Variants in GRIN3A observed in about 807,000 individuals in gnomAD.
GRIN3A encodes the protein glutamate receptor ionotropic, NMDA 3A.
GRIN3A carries 47 observed loss-of-function variants against 92.4 expected under a neutral mutation model. That is an observed-to-expected ratio of 0.51 (90% CI 0.40 to 0.65). GRIN3A has a LOEUF of 0.65. Among genes scored for constraint, GRIN3A ranks in the 30% least tolerant of loss-of-function variants. GRIN3A has a pLI of 0.00. For synonymous variants in GRIN3A, 527 were observed against 540.6 expected (o/e 0.97, Z 0.35); for missense variants, 1,324 against 1,393.1 (o/e 0.95, Z 0.79).
At chr9:101,623,095 C>T (rs940797663) in intron 5 of GRIN3A, among the ~76,000 whole-genome samples, 1 of 151,908 alleles carries the variant, frequency 6.6e-6, no homozygotes, top group South Asian at 2.1e-4. Context: ...ATATGGGTAA[C>T]AATGATTTTT....
intron 6 of GRIN3A, chr9:101,601,016 G>A (rs1398693387): frequency 6.6e-6 from 1 of 152,150 alleles, no homozygotes; most frequent in Non-Finnish European, 1.5e-5. Context: ...TCATCAGAGA[G>A]GTAAGGGAAA....
chr9:101,662,709 A>G (rs1467453674), intron 3 of GRIN3A, among the ~76,000 whole-genome samples: 2 of 151,830 alleles, frequency 1.3e-5, no homozygotes, highest in Non-Finnish European at 1.5e-5. Context: ...CTAATCAAGG[A>G]ATTTTGACAT....
chr9:101,586,651 A>G (rs1011602666), intron 6 of GRIN3A, among the ~76,000 whole-genome samples: 10 of 152,228 alleles, frequency 6.6e-5, no homozygotes, highest in African/African-American at 2.4e-4. Flanking sequence ...TGGAAACTGA[A>G]TGCAAAAATT....
chr9:101,681,451 C>T (rs1220223984), intron 2 of GRIN3A, among the ~76,000 whole-genome samples: 6 of 152,140 alleles, frequency 3.9e-5, no homozygotes, highest in Non-Finnish European at 8.8e-5. Flanking sequence ...GGTATGTTAT[C>T]AAGTTGACTA....
At chr9:101,579,126 C>T (rs1827859863) in intron 7 of GRIN3A, 70 bp downstream of exon 7, 1 of 1,505,320 alleles carries the variant, frequency 6.6e-7, no homozygotes, top group Non-Finnish European at 9.2e-7. Context: ...TGACATAGGG[C>T]TCTGGATCCT....
At chr9:101,689,033 A>G (rs1357407007) in intron 1 of GRIN3A, among the ~76,000 whole-genome samples, 2 of 152,072 alleles carry the variant, frequency 1.3e-5, no homozygotes, top group Admixed American at 6.6e-5. Flanking sequence ...TGGAAGCTTC[A>G]TTTCCTCACT....
chr9:101,669,778 T>C (rs1207748930), intron 3 of GRIN3A, among the ~76,000 whole-genome samples: 1 of 151,948 alleles, frequency 6.6e-6, no homozygotes, highest in African/African-American at 2.4e-5. Context: ...TATCAGATGG[T>C]CAAATAATAC....
chr9:101,610,555 G>A (rs1828348040), intron 6 of GRIN3A, among the ~76,000 whole-genome samples: 1 of 151,270 alleles, frequency 6.6e-6, no homozygotes, highest in South Asian at 2.1e-4. Flanking sequence ...ATTACCAAGG[G>A]CATTGACCAG....
At position 101,681,161 on chromosome 9, in the gene GRIN3A, A is replaced by G. The variant is rs370029885; in HGVS notation, c.1304+5435T>C. 2.6e-5 allele frequency among the ~76,000 whole-genome samples: 4 copies of G among 152,210 alleles called. No homozygotes were observed. The East Asian group carries it at 7.7e-4, about 29-fold the overall frequency. On this transcript the variant is annotated intron_variant, in intron 2 of 8. Transcript: ENST00000361820. The stretch of plus-strand genomic sequence containing the variant: ...CCTGGGAACAGCAGGTAAATTCTCA[A>G]ACTCCTATTCACTTTCCCCAGAGTC...
chr9:101,569,531 CAT>C lies in GRIN3A; in HGVS notation c.*3641_*3642del, dbSNP rs2118766510. ...TCCTGGAGCGGAGCGATTGCAAACA[CAT>C]TAAAATGAAGACACAATGCAAATAC... On this transcript the variant is annotated 3_prime_UTR_variant, in exon 9 of 9. Transcript: ENST00000361820. 6.6e-6 allele frequency: 1 copy of C among 152,188 alleles called. No homozygotes were observed. The highest frequency in any genetic ancestry group is 1.9e-4 in the East Asian group (1 of 5,170). 9.4% of individuals were successfully genotyped at this position (152,188 alleles called of 1,614,324 possible). A position where few individuals can be genotyped will look rare whatever the true frequency, so the allele number is the denominator to read the frequency against.
intron 1 of GRIN3A, among the ~76,000 whole-genome samples, chr9:101,718,900 T>A (rs1829976975): frequency 6.6e-6 from 1 of 152,236 alleles, no homozygotes; most frequent in African/African-American, 2.4e-5. Flanking sequence ...CAAATGGTAC[T>A]GGTATTTCAT....
chr9:101,685,898 A>C (rs1381778184), intron 2 of GRIN3A, among the ~76,000 whole-genome samples: 1 of 152,080 alleles, frequency 6.6e-6, no homozygotes, highest in East Asian at 1.9e-4. Flanking sequence ...TATCCATTTT[A>C]CATAAATGAA....
At chr9:101,594,087 T>A (rs1489585460) in intron 6 of GRIN3A, 1 of 260,442 alleles carries the variant, frequency 3.8e-6, no homozygotes, top group African/African-American at 2.2e-5. Context: ...CAAAAATGTA[T>A]ACTTTCTTAT....
At chr9:101,575,886 G>A (rs1350812799) in intron 8 of GRIN3A, among the ~76,000 whole-genome samples, 1 of 152,168 alleles carries the variant, frequency 6.6e-6, no homozygotes, top group East Asian at 1.9e-4. Context: ...ACAGTGATAA[G>A]GTAAGTAAAG....
chr9:101,726,930 G>A (rs1156314087), intron 1 of GRIN3A, among the ~76,000 whole-genome samples: 1 of 151,986 alleles, frequency 6.6e-6, no homozygotes, highest in Non-Finnish European at 1.5e-5. Context: ...ATATTAGACA[G>A]CACAGTACAA....
At chr9:101,666,358 TG>T (rs1337127708) in intron 3 of GRIN3A, among the ~76,000 whole-genome samples, 1 of 151,960 alleles carries the variant, frequency 6.6e-6, no homozygotes, top group Non-Finnish European at 1.5e-5. Context: ...GCTATAGAGC[TG>T]GAGGCCATTA....
At chr9:101,650,568 A>G (rs1829000512) in intron 3 of GRIN3A, among the ~76,000 whole-genome samples, 1 of 152,026 alleles carries the variant, frequency 6.6e-6, no homozygotes. Flanking sequence ...GTAAGTTTGG[A>G]CCAGGTCAAC....
Position 101,737,791 on chromosome 9 carries a change from G to T in GRIN3A, c.189C>A (p.Arg63=). The T allele has an allele frequency of 6.5e-7, 1 of 1,528,410 alleles. No homozygotes were observed. Among genetic ancestry groups the T allele is most frequent in the Non-Finnish European group, 8.7e-7 (1 of 1,143,916 alleles). The allele number at this position is 1,528,410 out of a possible 1,614,324, so 94.7% of individuals were successfully genotyped here. Residue 63 remains arginine (R), a synonymous_variant, in exon 1 of 9, where the codon CGC becomes CGA. Coordinates refer to ENST00000361820, the MANE Select transcript of GRIN3A (RefSeq NM_133445.3). The part of the protein sequence containing the change: ...VHLQPWTTAP[R]AASRAPDDSR... ...TGTCGTCCGGAGCGCGGCTGGCCGCGCGGGGGGCGGTGGTCCAGGGCTGCA... is the reference window on the plus strand; with the variant it reads ...TGTCGTCCGGAGCGCGGCTGGCCGCTCGGGGGGCGGTGGTCCAGGGCTGCA...
chr9:101,587,441 G>A (rs1327901068), intron 6 of GRIN3A, among the ~76,000 whole-genome samples: 9 of 152,086 alleles, frequency 5.9e-5, no homozygotes, highest in Admixed American at 5.9e-4. Context: ...GTATCCTGAC[G>A]CAGATCTCAG....
Sources: gnomAD v4.1 joint callset for allele counts (sites outside exome capture counted in the v4.1 genomes callset) on GRCh38, gnomAD v4.1.1 for gene constraint, MANE v1.5 for transcripts, NCBI Gene and HGNC (gene_info 2026-07-23, HGNC 2026-07-21) for gene names.